NAV2: variants seen among roughly 807,000 people sequenced by gnomAD.
NAV2 encodes neuron navigator 2, also known as helicase, APC down-regulated 1.
In NAV2, 54 loss-of-function variants were observed where a neutral mutation model predicts 223.2. The observed-to-expected ratio is 0.24, with a 90% CI of 0.19 to 0.30. The LOEUF is 0.30. Among genes scored for constraint, NAV2 ranks in the 10% least tolerant of loss-of-function variants. The pLI, the probability that NAV2 is intolerant of heterozygous loss-of-function variation, is 1.00. For missense variants in NAV2, 2,806 were observed against 3,147.5 expected, an observed-to-expected ratio of 0.89 and a Z score of 2.60; for synonymous variants, 1,279 against 1,239.3, an observed-to-expected ratio of 1.03 and a Z score of -0.67.
chr11:19,694,969 T>C (rs1398012642), intron 1 of NAV2, among the ~76,000 whole-genome samples: 1 of 152,136 alleles, frequency 6.6e-6, no homozygotes, highest in Non-Finnish European at 1.5e-5. Context: ...TGTGACCTGA[T>C]ACTCTCTACC....
chr11:20,101,753 A>T (rs55740279), intron 32 of NAV2, among the ~76,000 whole-genome samples: 55,183 of 152,036 alleles, frequency 0.36, 12,525 homozygotes, highest in Middle Eastern at 0.53. Context: ...CAGCAAATAG[A>T]TTGGCTCCTG....
chr11:19,962,094 C>G (rs944617776), intron 10 of NAV2, among the ~76,000 whole-genome samples: 1 of 151,492 alleles, frequency 6.6e-6, no homozygotes, highest in Non-Finnish European at 1.5e-5. Flanking sequence ...ACTCGAGCTG[C>G]AACATCAACT....
In NAV2 at chr11:19,527,649, G is replaced by T. The variant is rs922880323; in HGVS notation, c.75+176622G>T. ...CCCCGTCCACTCAGCAACTCTCTCCGCATCCAGCACTCTCTTGAATTTATC... is the reference window on the plus strand; with the variant it reads ...CCCCGTCCACTCAGCAACTCTCTCCTCATCCAGCACTCTCTTGAATTTATC... On this transcript the variant is annotated intron_variant, in intron 1 of 37. Coordinates refer to the NAV2 transcript ENST00000360655. 6.7e-5 allele frequency among the ~76,000 whole-genome samples: 6 copies of T among 89,206 alleles called. No homozygotes were observed. In the East Asian group the frequency reaches 1.4e-3, roughly 20 times the overall value. 58.5% of individuals were successfully genotyped at this position (89,206 alleles called of 152,430 possible). A position where few individuals can be genotyped will look rare whatever the true frequency, so the allele number is the denominator to read the frequency against.
chr11:19,684,038 T>TC (rs1369318807), intron 1 of NAV2, among the ~76,000 whole-genome samples: 5 of 152,114 alleles, frequency 3.3e-5, no homozygotes, highest in African/African-American at 1.2e-4. Context: ...CCATGTACAC[T>TC]CCCCCAATTG....
At chr11:20,073,199 G>T (rs1445049239) in intron 22 of NAV2, among the ~76,000 whole-genome samples, 1 of 152,088 alleles carries the variant, frequency 6.6e-6, no homozygotes, top group Non-Finnish European at 1.5e-5. Context: ...TAATCATGTG[G>T]TTTTTGTCTT....
intron 11 of NAV2, among the ~76,000 whole-genome samples, chr11:19,985,038 AC>A: frequency 6.6e-6 from 1 of 152,288 alleles, no homozygotes. Context: ...ACTTCTTTCC[AC>A]ATCTGGGTTG....
chr11:20,041,072 G>T (rs774288542), intron 12 of NAV2, among the ~76,000 whole-genome samples: 2 of 152,168 alleles, frequency 1.3e-5, no homozygotes, highest in African/African-American at 4.8e-5. Flanking sequence ...GAGTTGTATG[G>T]GTCCCACCTA....
chr11:20,071,967 T>C (rs2059433165), intron 22 of NAV2, among the ~76,000 whole-genome samples: 3 of 152,186 alleles, frequency 2.0e-5, no homozygotes, highest in Admixed American at 1.3e-4. Flanking sequence ...TCTATTTTGG[T>C]TTTGTTCCCA....
chr11:19,841,136 G>T (rs1374485115), intron 2 of NAV2, among the ~76,000 whole-genome samples: 6 of 152,060 alleles, frequency 3.9e-5, no homozygotes, highest in Non-Finnish European at 7.4e-5. Context: ...TCTGAAGATT[G>T]GGATTTTCCC....
At chr11:19,576,355 C>T (rs572635826) in intron 1 of NAV2, among the ~76,000 whole-genome samples, 1 of 152,256 alleles carries the variant, frequency 6.6e-6, no homozygotes, top group Non-Finnish European at 1.5e-5. Flanking sequence ...ACAGATTTCC[C>T]ATCTGCAGGG....
At chr11:19,920,246 G>T (rs2153228366) in intron 6 of NAV2, among the ~76,000 whole-genome samples, 2 of 152,314 alleles carry the variant, frequency 1.3e-5, no homozygotes, top group East Asian at 1.9e-4. Flanking sequence ...CACTGTATAA[G>T]ATACTTGCAT....
rs1850376418 is a variant in NAV2 at position 19,416,520 on chromosome 11, C to T, written c.75+65493C>T. ...AATATTGTTAAAATGGCCATACTGC[C>T]CAAAGTAATTTATAGACTTTATGCT... On this transcript the variant is annotated intron_variant, in intron 1 of 37. Transcript: ENST00000360655. Among the ~76,000 whole-genome samples the T allele has an allele frequency of 2.6e-5, 4 of 152,260 alleles. No individual in the cohort carries two copies. The South Asian group carries it at 8.3e-4, about 32-fold the overall frequency.
chr11:19,703,533 C>G (rs922485516), intron 1 of NAV2, among the ~76,000 whole-genome samples: 2 of 152,242 alleles, frequency 1.3e-5, no homozygotes, highest in African/African-American at 4.8e-5. Context: ...CTGCCTGATG[C>G]TACCCGCACC....
At chr11:19,870,838 T>C (rs1227639359) in intron 4 of NAV2, among the ~76,000 whole-genome samples, 1 of 152,130 alleles carries the variant, frequency 6.6e-6, no homozygotes, top group African/African-American at 2.4e-5. Flanking sequence ...TTCTGTGTGA[T>C]TTCAGAGCTC....
intron 6 of NAV2, among the ~76,000 whole-genome samples, chr11:19,927,446 G>A (rs1031460409): frequency 5.3e-5 from 8 of 152,250 alleles, no homozygotes; most frequent in Middle Eastern, 3.2e-3. Flanking sequence ...GCCGGGCATG[G>A]TGGCAGGAAC....
chr11:19,477,657 C>T (rs1157514799), intron 1 of NAV2, among the ~76,000 whole-genome samples: 1 of 152,218 alleles, frequency 6.6e-6, no homozygotes, highest in Non-Finnish European at 1.5e-5. Context: ...ATACGGCAAG[C>T]AGTCCATGGG....
At chr11:19,669,929 G>GTGAATA (rs1565153979) in intron 1 of NAV2, among the ~76,000 whole-genome samples, 3 of 152,206 alleles carry the variant, frequency 2.0e-5, no homozygotes, top group African/African-American at 7.2e-5. Flanking sequence ...TTTCTAAAAT[G>GTGAATA]TGAATATAAT....
intron 12 of NAV2, among the ~76,000 whole-genome samples, chr11:20,036,509 G>T (rs1282553695): frequency 6.6e-6 from 1 of 152,182 alleles, no homozygotes; most frequent in African/African-American, 2.4e-5. Context: ...AGGAGGATGG[G>T]GTGGAAATAA....
chr11:19,683,911 C>A (rs954851091), intron 1 of NAV2, among the ~76,000 whole-genome samples: 35 of 152,204 alleles, frequency 2.3e-4, no homozygotes, highest in African/African-American at 8.2e-4. Flanking sequence ...ATTAAATTGT[C>A]TGCCACAATT....
Sources: gnomAD v4.1 joint callset for allele counts (sites outside exome capture counted in the v4.1 genomes callset) on GRCh38, gnomAD v4.1.1 for gene constraint, MANE v1.5 for transcripts, NCBI Gene and HGNC (gene_info 2026-07-23, HGNC 2026-07-21) for gene names.